OTUD7A: variants seen among roughly 807,000 people sequenced by gnomAD.
OTUD7A encodes OTU deubiquitinase 7A, also known as OTU domain-containing protein 7A.
Under a neutral mutation model 65.7 loss-of-function variants are expected in OTUD7A, and 12 were observed. That is an observed-to-expected ratio of 0.18 (90% confidence interval 0.12 to 0.30). OTUD7A has a LOEUF of 0.30. OTUD7A is among the 10% of genes least tolerant of loss of function. The pLI, the probability that OTUD7A is intolerant of heterozygous loss-of-function variation, is 1.00. For synonymous variants in OTUD7A, 641 were observed against 586.3 expected (o/e 1.09, Z -1.35); for missense variants, 1,148 against 1,304.8 (o/e 0.88, Z 1.85).
chr15:31,720,298 C>G (rs1403388653), intron 1 of OTUD7A, among the ~76,000 whole-genome samples: 1 of 151,346 alleles, frequency 6.6e-6, no homozygotes, highest in African/African-American at 2.4e-5. Context: ...ATGTTCCAGT[C>G]AATGGTCTGC....
At chr15:31,662,411 T>A (rs1892191672) in intron 1 of OTUD7A, among the ~76,000 whole-genome samples, 1 of 152,240 alleles carries the variant, frequency 6.6e-6, no homozygotes, top group Non-Finnish European at 1.5e-5. Context: ...ATATTTTGCA[T>A]TCGTCGATTT....
chr15:31,691,278 G>A (rs561933937), intron 1 of OTUD7A, among the ~76,000 whole-genome samples: 16 of 152,198 alleles, frequency 1.1e-4, no homozygotes, highest in South Asian at 2.1e-4. Context: ...TTGAACAGCT[G>A]AAGTGATCCT....
At chr15:31,713,225 G>A (rs1390537881) in intron 1 of OTUD7A, among the ~76,000 whole-genome samples, 1 of 152,128 alleles carries the variant, frequency 6.6e-6, no homozygotes, top group Non-Finnish European at 1.5e-5. Context: ...GAATGTAGAG[G>A]GTAAAACAAT....
intron 1 of OTUD7A, among the ~76,000 whole-genome samples, chr15:31,708,134 C>T (rs1893349746): frequency 6.6e-6 from 1 of 151,588 alleles, no homozygotes; most frequent in Admixed American, 6.6e-5. Flanking sequence ...ACACCACCTG[C>T]CCCGCACAAG....
intron 1 of OTUD7A, among the ~76,000 whole-genome samples, chr15:31,747,123 C>T (rs963650366): frequency 3.3e-5 from 5 of 151,956 alleles, no homozygotes; most frequent in Non-Finnish European, 5.9e-5. Context: ...TAGATTTGAA[C>T]AAATGAGTAA....
intron 10 of OTUD7A, among the ~76,000 whole-genome samples, chr15:31,500,047 G>C (rs1470471624): frequency 1.3e-5 from 2 of 152,222 alleles, no homozygotes; most frequent in South Asian, 4.1e-4. Flanking sequence ...TGAACCCCAT[G>C]CTCGGAACTG....
intron 10 of OTUD7A, among the ~76,000 whole-genome samples, chr15:31,488,379 GT>G (rs1383889535): frequency 1.3e-5 from 2 of 152,192 alleles, no homozygotes; most frequent in East Asian, 3.8e-4. Context: ...GTATCTACAG[GT>G]TTGGGATCTT....
At chr15:31,717,607 A>G (rs1416117364) in intron 1 of OTUD7A, among the ~76,000 whole-genome samples, 1 of 152,196 alleles carries the variant, frequency 6.6e-6, no homozygotes, top group Non-Finnish European at 1.5e-5. Context: ...TCCATGGTGT[A>G]TATGTGCCAC....
chr15:31,788,471 G>C (rs1295522053), intron 1 of OTUD7A, among the ~76,000 whole-genome samples: 1 of 152,180 alleles, frequency 6.6e-6, no homozygotes, highest in Admixed American at 6.5e-5. Context: ...AATGGCTATT[G>C]ATGGGCAAAG....
chr15:31,550,444 C>T (rs778652061), intron 5 of OTUD7A, among the ~76,000 whole-genome samples: 2 of 152,160 alleles, frequency 1.3e-5, no homozygotes, highest in African/African-American at 2.4e-5. Flanking sequence ...AAGGAAGCAG[C>T]GCACAGTGAA....
chr15:31,768,256 A>C (rs1162838246), intron 1 of OTUD7A: 13 of 803,874 alleles, frequency 1.6e-5, no homozygotes, highest in Non-Finnish European at 2.2e-5. Context: ...CTCAAGACCC[A>C]GCAGCCCGGG....
intron 1 of OTUD7A, among the ~76,000 whole-genome samples, chr15:31,662,699 A>G (rs1288463846): frequency 2.6e-5 from 4 of 152,212 alleles, no homozygotes; most frequent in South Asian, 2.1e-4. Context: ...TGGTTTAGTC[A>G]TTGTTTACAG....
chr15:31,843,610 T>G (rs1186192945), intron 1 of OTUD7A, among the ~76,000 whole-genome samples: 1 of 152,224 alleles, frequency 6.6e-6, no homozygotes, highest in Admixed American at 6.5e-5. Flanking sequence ...AGCCCTTGCT[T>G]GGCAGAACCC....
At chr15:31,615,967 C>G (rs1297570584) in intron 3 of OTUD7A, among the ~76,000 whole-genome samples, 1 of 152,268 alleles carries the variant, frequency 6.6e-6, no homozygotes, top group African/African-American at 2.4e-5. Context: ...CCCTGCAAGG[C>G]AGTCATCAGA....
chr15:31,661,212 A>G lies in OTUD7A; in HGVS notation c.-99-4135T>C, dbSNP rs367656483. ...GGAAGAAAAGTCTCTCCTAAAATGT[A>G]TAACTTTGGGAATAGCAGTAAGTGT... On this transcript the variant is annotated intron_variant, in intron 1 of 12. Coordinates refer to ENST00000307050, the MANE Select transcript of OTUD7A (RefSeq NM_001382637.1). Among the ~76,000 whole-genome samples the G allele has an allele frequency of 3.8e-3, 576 of 152,302 alleles. 26 individuals are homozygous for G. The East Asian group carries it at 0.1, about 27-fold the overall frequency.
rs370879745 is a variant in OTUD7A, at chr15:31,527,085, T to C, written c.780+96A>G. ...TGTTTCTGCCTTCCCCTCATAAGAC[T>C]GTCTGGGGCCTGGAGGCCATGCTGT... is the stretch of plus-strand genomic sequence containing the variant. On this transcript the variant is annotated intron_variant, in intron 7 of 12. Transcript: ENST00000307050. The C allele has an allele frequency of 4.6e-6, 7 of 1,536,246 alleles. No individual in the cohort carries two copies. The African/African-American group carries it at 8.3e-5, about 18-fold the overall frequency.
intron 3 of OTUD7A, among the ~76,000 whole-genome samples, chr15:31,583,838 G>A (rs75391182): frequency 1.5e-3 from 223 of 152,124 alleles, no homozygotes; most frequent in African/African-American, 5.1e-3. Context: ...TGAACCTCCC[G>A]TAGTTAGCAA....
At chr15:31,849,367 T>C (rs1897365094) in intron 1 of OTUD7A, among the ~76,000 whole-genome samples, 1 of 152,226 alleles carries the variant, frequency 6.6e-6, no homozygotes, top group Non-Finnish European at 1.5e-5. Flanking sequence ...AAGCTGAAAC[T>C]GGATACCTTC....
At chr15:31,866,174 G>A (rs1417990486) in intron 1 of OTUD7A, among the ~76,000 whole-genome samples, 5 of 152,186 alleles carry the variant, frequency 3.3e-5, no homozygotes, top group African/African-American at 1.2e-4. Flanking sequence ...CAAGGACTGG[G>A]GTTTTGTGGA....
Sources: gnomAD v4.1 joint callset for allele counts (sites outside exome capture counted in the v4.1 genomes callset) on GRCh38, gnomAD v4.1.1 for gene constraint, MANE v1.5 for transcripts, NCBI Gene and HGNC (gene_info 2026-07-23, HGNC 2026-07-21) for gene names.